The following KASH5 variants were observed in gnomAD, a reference collection of about 807,000 sequenced individuals.
The protein encoded by KASH5 is protein KASH5.
In KASH5, 72 loss-of-function variants were observed where a neutral mutation model predicts 84.2. The observed-to-expected ratio is 0.85, with a 90% CI of 0.71 to 1.04. The LOEUF is 1.04. KASH5 is among the 50% of genes least tolerant of loss of function. The probability of loss-of-function intolerance (pLI) is 0.00; values close to 1 mark genes in which losing one functional copy is unlikely to be tolerated. For missense variants in KASH5, 650 were observed against 701.0 expected (o/e 0.93, Z 0.82); for synonymous variants, 260 against 279.1 (o/e 0.93, Z 0.68).
At chr19:49,409,401 A>G (rs1028177582) in intron 14 of KASH5, 118 bp downstream of exon 14, 4 of 1,076,890 alleles carry the variant, frequency 3.7e-6, no homozygotes, top group Non-Finnish European at 5.4e-6. Flanking sequence ...AGAGGCTCCT[A>G]TCGCAACCTT....
intron 17 of KASH5, chr19:49,415,326 C>T (rs1974870635): frequency 9.8e-6 from 4 of 406,348 alleles, no homozygotes; most frequent in South Asian, 2.3e-5. Context: ...TGCGCCCACA[C>T]TCGGGAGAGG....
At chr19:49,408,885 AC>A in intron 12 of KASH5, 81 bp from the exon 13 acceptor site, 1 of 1,440,520 alleles carries the variant, frequency 6.9e-7, no homozygotes, top group Non-Finnish European at 9.5e-7. Flanking sequence ...AGGGGAAAGA[AC>A]CCTGGAAGAG....
chr19:49,407,589 C>T, intron 11 of KASH5, 23 bp from the exon 12 acceptor site: 2 of 1,572,812 alleles, frequency 1.3e-6, no homozygotes, highest in Non-Finnish European at 1.7e-6. Context: ...GTCCCAGTCT[C>T]ATTTGGCTTT....
At chr19:49,403,656 G>C (rs1974436646) in intron 9 of KASH5, among the ~76,000 whole-genome samples, 1 of 152,196 alleles carries the variant, frequency 6.6e-6, no homozygotes, top group Non-Finnish European at 1.5e-5. Flanking sequence ...CCCATGGCTG[G>C]GGCTGGGACC....
At chr19:49,391,237 G>A (rs1303422454) in intron 2 of KASH5, among the ~76,000 whole-genome samples, 1 of 152,108 alleles carries the variant, frequency 6.6e-6, no homozygotes, top group African/African-American at 2.4e-5. Flanking sequence ...CAGCTGCCCT[G>A]TGACACTCTC....
Position 49,409,770 on chromosome 19 carries a change from T to C in KASH5, c.1164T>C (p.Thr388=), listed in dbSNP as rs748425818. Residue 388 remains threonine (T), a synonymous_variant, in exon 15 of 20, where the codon ACT becomes ACC. Transcript: ENST00000447857. ...EAIRQKQEVA[T]ADLSNPLCGV... Reference sequence around the variant, plus strand: ...TGTCCCAGAAACAGGAAGTGGCAACTGCTGATCTCTCCAACCCTCTGTGTG... The same window carrying C: ...TGTCCCAGAAACAGGAAGTGGCAACCGCTGATCTCTCCAACCCTCTGTGTG... The C allele has an allele frequency of 5.0e-6, 8 of 1,613,862 alleles. No homozygotes were observed. Among genetic ancestry groups the C allele is most frequent in the Non-Finnish European group, 5.9e-6 (7 of 1,179,838 alleles).
Position 49,417,069 on chromosome 19 carries a change from C to T in KASH5, c.1429C>T (p.Pro477Ser), listed in dbSNP as rs1367728847. 1.9e-6 allele frequency: 3 copies of T among 1,597,958 alleles called. No individual in the cohort carries two copies. The highest frequency in any genetic ancestry group is 1.7e-6 in the Non-Finnish European group (2 of 1,172,764). The change falls in exon 18 of 20, where the codon CCT (proline) becomes TCT (serine). Residue 477 changes from proline (P) to serine (S), a missense_variant. Coordinates refer to ENST00000447857, the MANE Select transcript of KASH5 (RefSeq NM_144688.5). The surrounding 1 kb of genome is among the most constrained non-coding windows in gnomAD (Gnocchi z 5.2). ...TCGCCCTGGAGACATCCCAGAAAACCCTCCAGAGAGGTAATAGGACCCACA... is the reference window on the plus strand; with the variant it reads ...TCGCCCTGGAGACATCCCAGAAAACTCTCCAGAGAGGTAATAGGACCCACA... ...APRPGDIPEN[P>S]PERPARRELQ...
chr19:49,417,562 C>T lies in KASH5; in HGVS notation c.*52C>T. On this transcript the variant is annotated 3_prime_UTR_variant, in exon 20 of 20. Coordinates refer to ENST00000447857, the MANE Select transcript of KASH5 (RefSeq NM_144688.5). This position sits in a 1 kb window ranked among gnomAD's most constrained non-coding sequence, Gnocchi z 5.2. ...TGTCTAGCTCAATAAATCCCCTGGC[C>T]CTCTCTCCACTGGGATCCCCATTGT... is the stretch of plus-strand genomic sequence containing the variant. 2 of 1,468,074 alleles carry T rather than the reference C, an allele frequency of 1.4e-6. No individual in the cohort carries two copies. The highest frequency in any genetic ancestry group is 1.4e-5 in the African/African-American group (1 of 71,380). The allele number at this position is 1,468,074 out of a possible 1,614,324, so 90.9% of individuals were successfully genotyped here. A position where few individuals can be genotyped will look rare whatever the true frequency, so the allele number is the denominator to read the frequency against.
intron 1 of KASH5, among the ~76,000 whole-genome samples, chr19:49,388,965 T>C (rs1973903204): frequency 6.6e-6 from 1 of 151,136 alleles, no homozygotes; most frequent in Admixed American, 6.6e-5. Context: ...AGCACAGAAG[T>C]CCATCAAAGA....
Position 49,398,100 on chromosome 19 carries a change from C to A in KASH5, c.586C>A (p.Arg196Ser), listed in dbSNP as rs780688681. ...SMETAEEGSA[R>S]LGEEILALRK... is the part of the protein sequence containing the mutation. ...GGAGACAGCTGAGGAGGGGTCAGCA[C>A]GCCTTGGGGAGGAGATCTTGGCTCT... Residue 196 changes from arginine to serine, a missense_variant, in exon 7 of 20, where the codon CGC becomes AGC. Transcript: ENST00000447857. The A allele has an allele frequency of 6.2e-7, 1 of 1,606,114 alleles. No individual in the cohort carries two copies. The highest frequency in any genetic ancestry group is 1.3e-5 in the African/African-American group (1 of 74,896).
At position 49,409,218 on chromosome 19, in the gene KASH5, A is replaced by G. The variant is rs768920568; in HGVS notation, c.1081A>G (p.Arg361Gly). The G allele has an allele frequency of 1.9e-6, 3 of 1,613,880 alleles. No individual in the cohort carries two copies. The East Asian group carries it at 6.7e-5, about 36-fold the overall frequency. ...CAGGCTACCTGAAGGGGCCCAGCTG[A>G]GAAGAGTGGGCTGGACCGAGCTGCT... The part of the protein sequence containing the change: ...PDELPEGAQL[R>G]RVGWTELLPP... Residue 361 changes from arginine (R) to glycine (G), a missense_variant, in exon 14 of 20, where the codon AGA becomes GGA. Transcript: ENST00000447857.
chr19:49,397,858 G>T (rs1165930252), intron 6 of KASH5, 124 bp from the exon 7 acceptor site: 1 of 1,417,590 alleles, frequency 7.1e-7, no homozygotes, highest in East Asian at 2.3e-5. Context: ...GAGAGCAGAG[G>T]AGTCTCTCTC....
Position 49,411,971 on chromosome 19 carries a change from GGAAAGAAGGA to G in KASH5, c.1270-996_1270-987del, listed in dbSNP as rs1568623150. Reference sequence around the variant, plus strand: ...AGGAAGGAAGGAAGGAAGGAAGGAAGGAAAGAAGGAAGCCAGCCTTTGAGGCACTAGCACA... The same window carrying G: ...AGGAAGGAAGGAAGGAAGGAAGGAAGAGCCAGCCTTTGAGGCACTAGCACA... On this transcript the variant is annotated intron_variant, in intron 15 of 19. Transcript: ENST00000447857. 7.2e-3 allele frequency among the ~76,000 whole-genome samples: 968 copies of G among 134,142 alleles called. 14 individuals carry two copies. Among genetic ancestry groups the G allele is most frequent in the African/African-American group, 0.025 (800 of 32,388 alleles). The allele number at this position is 134,142 out of a possible 152,430, so 88.0% of individuals were successfully genotyped here. A position where few individuals can be genotyped will look rare whatever the true frequency, so the allele number is the denominator to read the frequency against.
At chr19:49,410,109 C>G (rs993291174) in intron 15 of KASH5, among the ~76,000 whole-genome samples, 2 of 152,240 alleles carry the variant, frequency 1.3e-5, no homozygotes, top group Admixed American at 1.3e-4. Context: ...AGCAAACACA[C>G]AAGTTGCACT....
At position 49,395,749 on chromosome 19, in the gene KASH5, G is replaced by A. The variant is rs1239370894; in HGVS notation, c.336-20G>A. ...AGGGGCAGCTACAGTGGGGCGCTAA[G>A]CCTCATCCCTTTGATACAGGGGATT... On this transcript the variant is annotated intron_variant, in intron 4 of 19. Transcript: ENST00000447857. This position sits in a 1 kb window ranked among gnomAD's most constrained non-coding sequence, Gnocchi z 4.4. 5 of 1,552,136 alleles carry A rather than the reference G, an allele frequency of 3.2e-6. No homozygotes were observed. In the African/African-American group the frequency reaches 4.1e-5, roughly 13 times the overall value.
At position 49,407,305 on chromosome 19, in the gene KASH5, C is replaced by A. The variant is rs370261651; in HGVS notation, c.933+9C>A. On this transcript the variant is annotated intron_variant, in intron 11 of 19. Transcript: ENST00000447857. ...ACACCATCCTCTCTGAGGTAAGGGGCCCCGGGAGGGAAAGAGATTCGCTTT... is the reference window on the plus strand; with the variant it reads ...ACACCATCCTCTCTGAGGTAAGGGGACCCGGGAGGGAAAGAGATTCGCTTT... The A allele has an allele frequency of 5.5e-5, 89 of 1,613,328 alleles. No individual in the cohort carries two copies. The African/African-American group carries it at 1.2e-3, about 21-fold the overall frequency.
intron 1 of KASH5, chr19:49,390,097 G>C (rs1345022735): frequency 6.6e-6 from 1 of 152,466 alleles, no homozygotes; most frequent in African/African-American, 2.4e-5. Flanking sequence ...GGGAGGATCA[G>C]GAGCAGGGGC....
Position 49,412,484 on chromosome 19 carries a change from G to T in KASH5, c.1270-484G>T, listed in dbSNP as rs1441738984. The stretch of plus-strand genomic sequence containing the variant: ...CGAGGATTGCGTTTAGAAAACAATG[G>T]CAAGTTGGTTGCTGAGGTCAAGGGC... On this transcript the variant is annotated intron_variant, in intron 15 of 19. Coordinates refer to ENST00000447857, the MANE Select transcript of KASH5 (RefSeq NM_144688.5). This position sits in a 1 kb window ranked among gnomAD's most constrained non-coding sequence, Gnocchi z 4.6. Among the ~76,000 whole-genome samples the T allele has an allele frequency of 6.6e-6, 1 of 152,170 alleles. No individual in the cohort carries two copies. Among genetic ancestry groups the T allele is most frequent in the Non-Finnish European group, 1.5e-5 (1 of 68,038 alleles).
At chr19:49,397,531 T>C in intron 5 of KASH5, 120 bp from the exon 6 acceptor site, 2 of 826,234 alleles carry the variant, frequency 2.4e-6, no homozygotes, top group Non-Finnish European at 4.0e-6. Flanking sequence ...CAAAAGCCCA[T>C]GAGATTCTCC....
Sources: gnomAD v4.1 joint callset for allele counts (sites outside exome capture counted in the v4.1 genomes callset) on GRCh38, gnomAD v4.1.1 for gene constraint, Gnocchi (gnomAD v3.1) non-coding constraint, MANE v1.5 for transcripts, NCBI Gene and HGNC (gene_info 2026-07-23, HGNC 2026-07-21) for gene names.